Variants in TBC1D22A observed in about 807,000 individuals in gnomAD.
TBC1D22A encodes putative GTPase activator.
In TBC1D22A, 38 loss-of-function variants were observed where a neutral mutation model predicts 60.2. The ratio of observed to expected loss-of-function variants is 0.63; its 90% CI spans 0.49 to 0.83. TBC1D22A has a LOEUF of 0.83. TBC1D22A is among the 40% of genes least tolerant of loss of function. TBC1D22A has a pLI of 0.00. For synonymous variants in TBC1D22A, 302 were observed against 281.7 expected (o/e 1.07, Z -0.72); for missense variants, 628 against 701.0 (o/e 0.90, Z 1.18).
intron 12 of TBC1D22A, among the ~76,000 whole-genome samples, chr22:47,146,100 C>T (rs1048617723): frequency 9.5e-5 from 14 of 146,636 alleles, no homozygotes; most frequent in Non-Finnish European, 1.5e-4. Flanking sequence ...GACTGGGGGC[C>T]GCGGCGCGGG....
At chr22:47,099,596 CCA>C (rs1751473717) in intron 11 of TBC1D22A, among the ~76,000 whole-genome samples, 1 of 152,062 alleles carries the variant, frequency 6.6e-6, no homozygotes, top group Non-Finnish European at 1.5e-5. Context: ...CAGGCATGTG[CCA>C]CCACACCCAG....
chr22:46,853,477 T>C (rs2087396748), intron 4 of TBC1D22A, among the ~76,000 whole-genome samples: 2 of 152,106 alleles, frequency 1.3e-5, no homozygotes, highest in African/African-American at 4.8e-5. Context: ...GTGGCTGGCC[T>C]TGACTCTTTC....
intron 7 of TBC1D22A, among the ~76,000 whole-genome samples, chr22:46,897,589 CT>C (rs1440582889): frequency 5.4e-5 from 8 of 148,668 alleles, no homozygotes; most frequent in African/African-American, 2.0e-4. Context: ...GCCTCTGGTC[CT>C]TTTGTTACCT....
At chr22:47,060,607 T>C (rs2063540497) in intron 11 of TBC1D22A, among the ~76,000 whole-genome samples, 1 of 152,266 alleles carries the variant, frequency 6.6e-6, no homozygotes. Context: ...ATTTTTTGTG[T>C]TTTTAATAGA....
At chr22:47,038,780 T>C (rs1448101976) in intron 11 of TBC1D22A, among the ~76,000 whole-genome samples, 2 of 152,218 alleles carry the variant, frequency 1.3e-5, no homozygotes. Context: ...CAGCAGACTG[T>C]CATTCGTGTC....
At chr22:46,766,832 G>A (rs1009199786) in intron 1 of TBC1D22A, among the ~76,000 whole-genome samples, 4 of 152,054 alleles carry the variant, frequency 2.6e-5, no homozygotes, top group African/African-American at 7.2e-5. Context: ...CACCGTGCCC[G>A]GCCCACACCT....
intron 1 of TBC1D22A, among the ~76,000 whole-genome samples, chr22:46,772,647 T>C (rs1183719500): frequency 7.1e-6 from 1 of 141,502 alleles, no homozygotes; most frequent in Non-Finnish European, 1.6e-5. Context: ...CACCGCACTT[T>C]TTTTTTTTTT....
At chr22:46,913,368 C>A in intron 8 of TBC1D22A, 1 of 1,366,530 alleles carries the variant, frequency 7.3e-7, no homozygotes, top group Non-Finnish European at 9.8e-7. Context: ...AGATTCCCAT[C>A]CTTGCTGTGA....
At chr22:46,978,985 G>A (rs2074411506) in intron 9 of TBC1D22A, among the ~76,000 whole-genome samples, 1 of 152,144 alleles carries the variant, frequency 6.6e-6, no homozygotes, top group African/African-American at 2.4e-5. Context: ...TCAACAAATG[G>A]TAGTTTCTTA....
rs981807069 is a variant in TBC1D22A, at chr22:46,816,705, C to A, written c.637+19085C>A. On this transcript the variant is annotated intron_variant, in intron 4 of 12. Coordinates refer to ENST00000337137, the MANE Select transcript of TBC1D22A (RefSeq NM_014346.5). ...TTGGGCTTTTCAGAGCCTTTTGATG[C>A]TTATGCATATTATCAATCCCCATGA... Among the ~76,000 whole-genome samples the A allele has an allele frequency of 6.6e-5, 10 of 151,928 alleles. 1 individual carries two copies. The highest frequency in any genetic ancestry group is 6.6e-4 in the Admixed American group (10 of 15,240).
At position 46,823,902 on chromosome 22, in the gene TBC1D22A, A is replaced by G. The variant is rs187974882; in HGVS notation, c.637+26282A>G. 6.6e-4 allele frequency among the ~76,000 whole-genome samples: 100 copies of G among 152,300 alleles called. 2 individuals carry two copies. The highest frequency in any genetic ancestry group is 5.2e-3 in the Admixed American group (79 of 15,298). The stretch of plus-strand genomic sequence containing the variant: ...CCATCCGCACACAAGTGGGATGGAC[A>G]GTGGAGCTGTGATTCAGATGATGCA... On this transcript the variant is annotated intron_variant, in intron 4 of 12. Transcript: ENST00000337137.
intron 8 of TBC1D22A, among the ~76,000 whole-genome samples, chr22:46,942,341 A>T (rs1030431818): frequency 2.6e-5 from 4 of 152,128 alleles, no homozygotes; most frequent in Non-Finnish European, 4.4e-5. Flanking sequence ...TTATAAAGCT[A>T]TCTTAATGAC....
chr22:47,075,389 A>G (rs929119281), intron 11 of TBC1D22A, among the ~76,000 whole-genome samples: 1 of 152,158 alleles, frequency 6.6e-6, no homozygotes, highest in Admixed American at 6.5e-5. Context: ...AGAGCATCAA[A>G]AACAGACTTT....
At chr22:46,806,720 T>G (rs1263911021) in intron 4 of TBC1D22A, among the ~76,000 whole-genome samples, 2 of 152,194 alleles carry the variant, frequency 1.3e-5, no homozygotes. Flanking sequence ...TTCTAGGGGC[T>G]CTGGGTATGA....
rs1360754684 is a variant in TBC1D22A at position 46,792,575 on chromosome 22, A to G, written c.118A>G (p.Thr40Ala). The G allele has an allele frequency of 1.9e-6, 3 of 1,614,132 alleles. No homozygotes were observed. The highest frequency in any genetic ancestry group is 1.6e-4 in the Middle Eastern group (1 of 6,062). ...HPPFDPLLHG[T>A]LLRSTAKMPT... ...CCCCTTTGATCCACTGTTACATGGC[A>G]CGTAAGTGACGTTCCAACCTCACTT... Residue 40 changes from threonine (T) to alanine (A), a missense_variant and splice_region_variant, in exon 2 of 13, where the codon ACT becomes GCT. By Grantham distance (58) the Thr-to-Ala change is moderately conservative. Coordinates refer to ENST00000337137, the MANE Select transcript of TBC1D22A (RefSeq NM_014346.5).
Position 47,173,860 on chromosome 22 carries a change from G to C in TBC1D22A, c.*234G>C, listed in dbSNP as rs1280093850. On this transcript the variant is annotated 3_prime_UTR_variant, in exon 13 of 13. Coordinates refer to ENST00000337137, the MANE Select transcript of TBC1D22A (RefSeq NM_014346.5). ...AGAGCCAGGGGAGGGCCCCGGGTTC[G>C]GCGGCCAGAGGCAGGTCAGGGGTCC... 1.5e-5 allele frequency: 8 copies of C among 550,204 alleles called. No individual in the cohort carries two copies. Among genetic ancestry groups the C allele is most frequent in the Non-Finnish European group, 2.4e-5 (8 of 332,186 alleles). The allele number at this position is 550,204 out of a possible 1,614,324, so 34.1% of individuals were successfully genotyped here. A position where few individuals can be genotyped will look rare whatever the true frequency, so the allele number is the denominator to read the frequency against.
At chr22:46,970,669 C>T (rs1010329240) in intron 8 of TBC1D22A, among the ~76,000 whole-genome samples, 4 of 152,186 alleles carry the variant, frequency 2.6e-5, no homozygotes, top group East Asian at 1.9e-4. Flanking sequence ...CAGTGTGTAC[C>T]GTTGAGTGGG....
chr22:46,886,490 C>T (rs4823887), intron 5 of TBC1D22A, among the ~76,000 whole-genome samples: 83,528 of 151,812 alleles, frequency 0.55, 26,259 homozygotes, highest in Middle Eastern at 0.75. Flanking sequence ...GGTTGTGACC[C>T]GATGCCCTTT....
intron 4 of TBC1D22A, among the ~76,000 whole-genome samples, chr22:46,807,256 T>TGTGATGGTAATTGTGGGG (rs1555898056): frequency 3.3e-5 from 5 of 151,400 alleles, no homozygotes; most frequent in Non-Finnish European, 7.4e-5. Flanking sequence ...TAGTGTTGAT[T>TGTGATGGTAATTGTGGGG]GTGATGGTGA....
Sources: gnomAD v4.1 joint callset for allele counts (sites outside exome capture counted in the v4.1 genomes callset) on GRCh38, gnomAD v4.1.1 for gene constraint, MANE v1.5 for transcripts, NCBI Gene and HGNC (gene_info 2026-07-23, HGNC 2026-07-21) for gene names.